The following HELLS variants were observed in gnomAD, a reference collection of about 807,000 sequenced individuals.
HELLS encodes the protein lymphoid-specific helicase.
Under a neutral mutation model 120.0 loss-of-function variants are expected in HELLS, and 32 were observed. The observed-to-expected ratio is 0.27, with a 90% CI of 0.20 to 0.36. HELLS has a LOEUF of 0.36. HELLS is among the 10% of genes least tolerant of loss of function. The probability of loss-of-function intolerance (pLI) is 1.00; values close to 1 mark genes in which losing one functional copy is unlikely to be tolerated. For synonymous variants in HELLS, 341 were observed against 323.4 expected (o/e 1.05, Z -0.58); for missense variants, 650 against 993.4 (o/e 0.65, Z 4.65).
chr10:94,571,799 TA>T (rs1411580733), intron 7 of HELLS, among the ~76,000 whole-genome samples: 1 of 152,240 alleles, frequency 6.6e-6, no homozygotes, highest in Non-Finnish European at 1.5e-5. Context: ...AAAGATTTTT[TA>T]AGTTTCTTAA....
chr10:94,593,866 T>A (rs1255293027), intron 18 of HELLS, among the ~76,000 whole-genome samples: 1 of 152,140 alleles, frequency 6.6e-6, no homozygotes, highest in Non-Finnish European at 1.5e-5. Context: ...TTTTGCCATG[T>A]TGGCCAGGCT....
rs538469849 is a variant in HELLS at position 94,548,461 on chromosome 10, G to A, written c.153+1963G>A. On this transcript the variant is annotated intron_variant, in intron 2 of 21. Transcript: ENST00000348459. ...AGCATTTAAAGAAAGATATGCCTGA[G>A]ATATGACAACAGTACATTTTCAGAA... Among the ~76,000 whole-genome samples, 10 of 152,172 alleles carry A rather than the reference G, an allele frequency of 6.6e-5. No individual in the cohort carries two copies. In the East Asian group the frequency reaches 1.9e-3, roughly 29 times the overall value.
At chr10:94,563,434 C>G (rs1843647744) in intron 6 of HELLS, among the ~76,000 whole-genome samples, 1 of 152,008 alleles carries the variant, frequency 6.6e-6, no homozygotes, top group Non-Finnish European at 1.5e-5. Flanking sequence ...TTAGGTTGTT[C>G]TGGTTTTCTT....
At chr10:94,566,657 T>G (rs949171641) in intron 6 of HELLS, among the ~76,000 whole-genome samples, 4 of 151,458 alleles carry the variant, frequency 2.6e-5, no homozygotes, top group Non-Finnish European at 5.9e-5. Context: ...TTCTTTTCTT[T>G]TTTTTTTTTT....
chr10:94,574,381 T>A, intron 8 of HELLS, 173 bp from the exon 9 acceptor site: 1 of 701,312 alleles, frequency 1.4e-6, no homozygotes, highest in Non-Finnish European at 2.4e-6. Context: ...TCCAGCACTT[T>A]TATGGCTTTG....
rs111692028 is a variant in HELLS at position 94,578,603 on chromosome 10, A to C, written c.1032+1798A>C. Among the ~76,000 whole-genome samples the C allele has an allele frequency of 1.6e-3, 237 of 152,206 alleles. 1 individual carries two copies. The highest frequency in any genetic ancestry group is 2.7e-3 in the Non-Finnish European group (186 of 68,010). On this transcript the variant is annotated intron_variant, in intron 10 of 21. Transcript: ENST00000348459. ...TAGCTCCTTGGGAGGCTGAGGCAGGATAATTGCTTGAACCCGGGAGGCGGA... is the reference window on the plus strand; with the variant it reads ...TAGCTCCTTGGGAGGCTGAGGCAGGCTAATTGCTTGAACCCGGGAGGCGGA...
intron 3 of HELLS, among the ~76,000 whole-genome samples, 158 bp downstream of exon 3, chr10:94,554,406 A>G (rs999675999): frequency 2.6e-5 from 4 of 152,208 alleles, no homozygotes; most frequent in Non-Finnish European, 4.4e-5. Context: ...CACCAGCACA[A>G]TCAAGATACA....
intron 21 of HELLS, 68 bp from the exon 22 acceptor site, chr10:94,601,460 G>C: frequency 1.2e-6 from 1 of 842,628 alleles, no homozygotes; most frequent in East Asian, 2.5e-5. Context: ...CATCATATTG[G>C]ATGTTTCTTT....
rs1491045389 is a variant in HELLS, at chr10:94,554,654, TTG to T, written c.276+408_276+409del. Among the ~76,000 whole-genome samples the T allele has an allele frequency of 3.4e-3, 485 of 141,840 alleles. 8 individuals are homozygous for T. Among genetic ancestry groups the T allele is most frequent in the African/African-American group, 9.8e-3 (377 of 38,580 alleles). The allele number at this position is 141,840 out of a possible 152,430, so 93.1% of individuals were successfully genotyped here. On this transcript the variant is annotated intron_variant, in intron 3 of 21. Transcript: ENST00000348459. ...CTTCAAAGTAATAGTGTTTTTTTTTTTGTTTTTTTTTTTTTAATGCTAATGAT... is the reference window on the plus strand; with the variant it reads ...CTTCAAAGTAATAGTGTTTTTTTTTTTTTTTTTTTTTTTAATGCTAATGAT...
intron 2 of HELLS, among the ~76,000 whole-genome samples, chr10:94,549,037 G>A (rs370622278): frequency 6.6e-6 from 1 of 151,826 alleles, no homozygotes; most frequent in African/African-American, 2.4e-5. Flanking sequence ...ATATAAGTGT[G>A]TAATTTGCTA....
intron 11 of HELLS, 149 bp downstream of exon 11, chr10:94,581,671 T>C (rs1589744475): frequency 5.9e-6 from 3 of 511,860 alleles, no homozygotes; most frequent in East Asian, 6.1e-5. Context: ...CCACAAATTA[T>C]GTGAGAGCAG....
chr10:94,600,449 A>G (rs1845979338), intron 21 of HELLS, among the ~76,000 whole-genome samples: 1 of 151,954 alleles, frequency 6.6e-6, no homozygotes, highest in South Asian at 2.1e-4. Context: ...AAAAGTCATA[A>G]TAATCAAGAT....
At chr10:94,571,545 T>C in intron 7 of HELLS, 116 bp downstream of exon 7, 1 of 835,172 alleles carries the variant, frequency 1.2e-6, no homozygotes, top group Non-Finnish European at 1.7e-6. Context: ...GTTTCTTTGC[T>C]TTAAAAAAAA....
rs765622878 is a variant in HELLS at position 94,576,723 on chromosome 10, A to G, written c.950A>G (p.Tyr317Cys). 1.9e-6 allele frequency: 3 copies of G among 1,611,932 alleles called. No individual in the cohort carries two copies. The highest frequency in any genetic ancestry group is 3.3e-5 in the Admixed American group (2 of 59,988). ...CGTCAAAAATTGGTAAGAAATATTT[A>G]CAAACGGAAAGGGACTTTGCAGATT... Reference protein sequence around the residue: ...EERQKLVRNIYKRKGTLQIHP... With the variant: ...EERQKLVRNICKRKGTLQIHP... Residue 317 changes from tyrosine (Y) to cysteine (C), a missense_variant, in exon 10 of 22, where the codon TAC becomes TGC. Transcript: ENST00000348459.
At chr10:94,583,474 T>A (rs1187301747) in intron 12 of HELLS, among the ~76,000 whole-genome samples, 2 of 152,130 alleles carry the variant, frequency 1.3e-5, no homozygotes, top group Non-Finnish European at 2.9e-5. Context: ...CTTTCAAGGG[T>A]AATCTAGTCA....
intron 2 of HELLS, among the ~76,000 whole-genome samples, chr10:94,550,013 G>A (rs543501985): frequency 3.9e-5 from 6 of 151,988 alleles, no homozygotes; most frequent in Admixed American, 2.0e-4. Context: ...CTCTGCCTCC[G>A]GGGTTCAAGC....
chr10:94,578,681 A>G (rs567184363), intron 10 of HELLS, among the ~76,000 whole-genome samples: 4 of 152,286 alleles, frequency 2.6e-5, no homozygotes, highest in African/African-American at 9.6e-5. Flanking sequence ...ACCAAGTGAG[A>G]CTGTGTCTCA....
chr10:94,580,573 A>T (rs1378333968), intron 10 of HELLS, among the ~76,000 whole-genome samples: 2 of 152,298 alleles, frequency 1.3e-5, no homozygotes, highest in East Asian at 3.9e-4. Context: ...TTGCCAGGAA[A>T]ATAAATCCTT....
downstream of HELLS, among the ~76,000 whole-genome samples, chr10:94,602,574 A>C (rs1381370885): frequency 6.6e-6 from 1 of 152,174 alleles, no homozygotes; most frequent in East Asian, 1.9e-4. Context: ...TTTCATGGAA[A>C]AATATTGCTG....
Sources: allele counts gnomAD v4.1 joint callset (sites outside exome capture counted in the v4.1 genomes callset), GRCh38; gene constraint gnomAD v4.1.1; transcripts MANE v1.5; gene names NCBI Gene and HGNC (gene_info 2026-07-23, HGNC 2026-07-21).